AMZ2: variants seen among roughly 807,000 people sequenced by gnomAD.
AMZ2 encodes the protein archaemetzincin-2.
Under a neutral mutation model 36.7 loss-of-function variants are expected in AMZ2, and 26 were observed. The observed-to-expected ratio is 0.71, with a 90% confidence interval of 0.52 to 0.98. The LOEUF is 0.98. Ranked by LOEUF, AMZ2 falls within the 50% of genes least tolerant of loss-of-function variation. AMZ2 has a pLI of 0.00. For synonymous variants in AMZ2, 144 were observed against 149.1 expected (o/e 0.97, Z 0.25); for missense variants, 394 against 430.5 (o/e 0.92, Z 0.75).
chr17:68,219,481 G>C (rs1416518250), intron 1 of AMZ2, among the ~76,000 whole-genome samples: 1 of 152,106 alleles, frequency 6.6e-6, no homozygotes, highest in Non-Finnish European at 1.5e-5. Flanking sequence ...CTTATCCCAT[G>C]TTACTGCTTT....
intron 1 of AMZ2, among the ~76,000 whole-genome samples, chr17:68,215,771 A>G (rs9906858): frequency 0.065 from 9,605 of 148,004 alleles, 470 homozygotes; most frequent in African/African-American, 0.17. Flanking sequence ...TCCATGCTCC[A>G]ATTCTCCCAT....
At chr17:68,249,366 C>T (rs1279995186) in intron 1 of AMZ2, 10 of 165,638 alleles carry the variant, frequency 6.0e-5, no homozygotes, top group Non-Finnish European at 9.1e-5. Context: ...ACTGCAGTGG[C>T]ACGATCACGG....
intron 1 of AMZ2, among the ~76,000 whole-genome samples, chr17:68,212,329 A>T (rs1159710434): frequency 6.6e-6 from 1 of 151,916 alleles, no homozygotes; most frequent in Non-Finnish European, 1.5e-5. Flanking sequence ...CCAAGAATAT[A>T]CCACTGCACT....
intron 1 of AMZ2, among the ~76,000 whole-genome samples, chr17:68,225,916 C>T (rs7218388): frequency 0.35 from 53,823 of 151,784 alleles, 10,604 homozygotes; most frequent in African/African-American, 0.54. Context: ...AGCCACTGCA[C>T]CCAGCCTTAA....
intron 1 of AMZ2, among the ~76,000 whole-genome samples, chr17:68,213,718 T>G (rs2073124693): frequency 6.6e-6 from 1 of 152,196 alleles, no homozygotes; most frequent in African/African-American, 2.4e-5. Flanking sequence ...CTCTTTTCCC[T>G]CTTGTATTTA....
At chr17:68,209,940 T>G (rs1427174890) in intron 1 of AMZ2, among the ~76,000 whole-genome samples, 2 of 152,022 alleles carry the variant, frequency 1.3e-5, no homozygotes, top group Non-Finnish European at 2.9e-5. Context: ...CTTTTGATTT[T>G]AAAAATTAAA....
intron 1 of AMZ2, among the ~76,000 whole-genome samples, chr17:68,229,019 C>A (rs1281111708): frequency 6.6e-6 from 1 of 152,222 alleles, no homozygotes; most frequent in Non-Finnish European, 1.5e-5. Flanking sequence ...GGCCAGGTGG[C>A]GAGTCCTGTT....
chr17:68,228,476 A>G (rs2362730), intron 1 of AMZ2, among the ~76,000 whole-genome samples: 37,963 of 152,050 alleles, frequency 0.25, 4,832 homozygotes, highest in South Asian at 0.3. Flanking sequence ...TCCTGAGGAC[A>G]AGGCTCTCTC....
At chr17:68,249,472 AT>A (rs1276545791) in intron 1 of AMZ2, 2 of 152,228 alleles carry the variant, frequency 1.3e-5, no homozygotes, top group African/African-American at 2.4e-5. Context: ...CATCCGGCTA[AT>A]TTTTTTGTAG....
At position 68,221,208 on chromosome 17, in the gene AMZ2, CT is replaced by C. The variant is rs1223017388; in HGVS notation, c.-67+14971del. Among the ~76,000 whole-genome samples, 122 of 15,458 alleles carry C rather than the reference CT, an allele frequency of 7.9e-3. 4 individuals carry two copies. The highest frequency in any genetic ancestry group is 0.019 in the African/African-American group (114 of 5,868). The allele number at this position is 15,458 out of a possible 152,430, so 10.1% of individuals were successfully genotyped here. On this transcript the variant is annotated intron_variant, in intron 1 of 7. Transcript: ENST00000674770. Reference sequence around the variant, plus strand: ...GTGATCTTCCTGCCTCAGCCCTCAGCTCCCCCCCCCGCCCCCCCGGTAGCTA... The same window carrying C: ...GTGATCTTCCTGCCTCAGCCCTCAGCCCCCCCCCCGCCCCCCCGGTAGCTA...
chr17:68,209,632 A>ATATATAT, intron 1 of AMZ2, among the ~76,000 whole-genome samples: 7 of 90,694 alleles, frequency 7.7e-5, no homozygotes, highest in African/African-American at 3.5e-4. Flanking sequence ...ATATATATAT[A>ATATATAT]TTTTTTTTTT....
At position 68,250,394 on chromosome 17, in the gene AMZ2, C is replaced by T; in HGVS notation, c.207C>T (p.Asp69=). The T allele has an allele frequency of 6.2e-7, 1 of 1,614,186 alleles. No homozygotes were observed. Among genetic ancestry groups the T allele is most frequent in the South Asian group, 1.1e-5 (1 of 91,078 alleles). ...CCTCCCACCCTGAGGCTCCCCAAGA[C>T]TTTGAACAGTTCTTCAGTGATCCTT... is the stretch of plus-strand genomic sequence containing the variant. The part of the protein sequence containing the change: ...WITSHPEAPQ[D]FEQFFSDPYR... Residue 69 remains aspartate (D), a synonymous_variant, in exon 2 of 7, where the codon GAC becomes GAT. Coordinates refer to ENST00000359904, the MANE Select transcript of AMZ2 (RefSeq NM_016627.5).
intron 1 of AMZ2, among the ~76,000 whole-genome samples, chr17:68,240,482 G>C (rs12946546): frequency 0.031 from 4,760 of 152,326 alleles, 100 homozygotes; most frequent in Non-Finnish European, 0.054. Flanking sequence ...AAAAATGTGA[G>C]AGAGAGGAAA....
rs372451959 is a variant in AMZ2, at chr17:68,250,991, C to T, written c.457+24C>T. On this transcript the variant is annotated intron_variant, in intron 3 of 6. Coordinates refer to ENST00000359904, the MANE Select transcript of AMZ2 (RefSeq NM_016627.5). ...AGGTGAATTACACGACTTTGCAATTCGAACTGAGTATATGTATATAATATA... is the reference window on the plus strand; with the variant it reads ...AGGTGAATTACACGACTTTGCAATTTGAACTGAGTATATGTATATAATATA... 5.7e-5 allele frequency: 92 copies of T among 1,610,958 alleles called. 4 individuals carry two copies. In the South Asian group the frequency reaches 8.3e-4, roughly 15 times the overall value.
intron 1 of AMZ2, among the ~76,000 whole-genome samples, chr17:68,236,507 A>G (rs1162832953): frequency 1.3e-5 from 2 of 151,834 alleles, no homozygotes; most frequent in Non-Finnish European, 2.9e-5. Context: ...AATATCAAGA[A>G]GAAAGTAAAA....
At chr17:68,247,521 G>T, upstream of AMZ2, 1 of 648,904 alleles carries the variant, frequency 1.5e-6, no homozygotes, top group Non-Finnish European at 1.9e-6. Context: ...GGGACGCCAC[G>T]AGGACGCGCC....
At chr17:68,252,394 G>A (rs1318312140) in intron 4 of AMZ2, among the ~76,000 whole-genome samples, 4 of 152,112 alleles carry the variant, frequency 2.6e-5, no homozygotes, top group African/African-American at 7.2e-5. Context: ...TGGAGACGTG[G>A]GTCACTACTT....
chr17:68,244,049 G>A (rs1210314271), upstream of AMZ2, among the ~76,000 whole-genome samples: 5 of 152,158 alleles, frequency 3.3e-5, no homozygotes, highest in African/African-American at 1.2e-4. Context: ...ACATATTCTA[G>A]TACAGAGCAA....
chr17:68,225,318 A>G (rs1470321546), intron 1 of AMZ2, among the ~76,000 whole-genome samples: 1 of 152,160 alleles, frequency 6.6e-6, no homozygotes, highest in African/African-American at 2.4e-5. Context: ...TGGTGGTTGA[A>G]GTGGGAGGGT....
Sources: allele counts gnomAD v4.1 joint callset (sites outside exome capture counted in the v4.1 genomes callset), GRCh38; gene constraint gnomAD v4.1.1; transcripts MANE v1.5; gene names NCBI Gene and HGNC (gene_info 2026-07-23, HGNC 2026-07-21).